Variants in LRRIQ1 observed in about 807,000 individuals in gnomAD.
LRRIQ1 encodes leucine-rich repeat- and IQ domain-containing protein 1.
LRRIQ1 carries 210 observed loss-of-function variants against 211.9 expected under a neutral mutation model. The ratio of observed to expected loss-of-function variants is 0.99; its 90% CI spans 0.89 to 1.11. The LOEUF (loss-of-function observed/expected upper bound fraction) is 1.11. Ranked by LOEUF, LRRIQ1 falls within the 50% of genes most tolerant of loss-of-function variation. The pLI is 0.00. For synonymous variants in LRRIQ1, 699 were observed against 650.1 expected (o/e 1.08, Z -1.14); for missense variants, 2,136 against 1,939.5 (o/e 1.10, Z -1.90).
At chr12:85,161,467 T>C (rs555491807) in intron 24 of LRRIQ1, among the ~76,000 whole-genome samples, 36 of 152,162 alleles carry the variant, frequency 2.4e-4, no homozygotes, top group Non-Finnish European at 5.1e-4. Context: ...ATTTAACCTA[T>C]AGTTTGGATA....
chr12:85,059,512 A>G (rs1881532098), intron 8 of LRRIQ1, among the ~76,000 whole-genome samples: 1 of 151,982 alleles, frequency 6.6e-6, no homozygotes, highest in South Asian at 2.1e-4. Flanking sequence ...AAATGATCAT[A>G]CTTTATATTG....
downstream of LRRIQ1, among the ~76,000 whole-genome samples, chr12:85,248,690 G>A (rs943580337): frequency 6.6e-6 from 1 of 151,686 alleles, no homozygotes; most frequent in African/African-American, 2.4e-5. Flanking sequence ...AGAAAACATT[G>A]TTCAGAAGAG....
intron 11 of LRRIQ1, among the ~76,000 whole-genome samples, chr12:85,090,398 C>CT (rs946745582): frequency 1.3e-5 from 2 of 152,172 alleles, no homozygotes; most frequent in African/African-American, 4.8e-5. Flanking sequence ...CCACTGGCAG[C>CT]TTGCACCTTG....
At chr12:85,217,802 C>CAT (rs1332497599) in intron 24 of LRRIQ1, among the ~76,000 whole-genome samples, 53 of 147,546 alleles carry the variant, frequency 3.6e-4, no homozygotes, top group African/African-American at 1.4e-3. Flanking sequence ...GTAATGTGTT[C>CAT]ATACACACAT....
At chr12:85,111,681 A>C (rs779782544) in intron 15 of LRRIQ1, among the ~76,000 whole-genome samples, 1 of 152,154 alleles carries the variant, frequency 6.6e-6, no homozygotes, top group Non-Finnish European at 1.5e-5. Flanking sequence ...TTACATGTTT[A>C]GTTCTGAATA....
At chr12:85,169,823 C>G (rs1891324373) in intron 24 of LRRIQ1, among the ~76,000 whole-genome samples, 1 of 152,054 alleles carries the variant, frequency 6.6e-6, no homozygotes, top group Non-Finnish European at 1.5e-5. Flanking sequence ...GAAGGAGAGC[C>G]ATGTCAGAAT....
At chr12:85,075,623 A>G (rs1883560918) in intron 11 of LRRIQ1, among the ~76,000 whole-genome samples, 2 of 152,050 alleles carry the variant, frequency 1.3e-5, no homozygotes, top group Non-Finnish European at 1.5e-5. Context: ...CCCCTACCCC[A>G]ATCATGATCC....
intron 25 of LRRIQ1, among the ~76,000 whole-genome samples, chr12:85,231,154 AAAGCTATCATT>A (rs1400100059): frequency 2.0e-5 from 3 of 152,230 alleles, no homozygotes; most frequent in South Asian, 4.1e-4. Flanking sequence ...ACACAAACAA[AAAGCTATCATT>A]ATTACAGTTA....
chr12:85,082,987 A>G (rs79899614), intron 11 of LRRIQ1, among the ~76,000 whole-genome samples: 8 of 152,170 alleles, frequency 5.3e-5, no homozygotes, highest in Non-Finnish European at 1.2e-4. Flanking sequence ...AATCTGAGCT[A>G]CAAACCTATG....
chr12:85,154,812 C>T (rs942837434), intron 23 of LRRIQ1, among the ~76,000 whole-genome samples: 2 of 150,926 alleles, frequency 1.3e-5, no homozygotes, highest in African/African-American at 4.8e-5. Flanking sequence ...TTCTTTTGTA[C>T]ATCAGTTTTG....
At chr12:85,107,048 A>T (rs1005030975) in intron 15 of LRRIQ1, among the ~76,000 whole-genome samples, 6 of 152,076 alleles carry the variant, frequency 3.9e-5, no homozygotes, top group African/African-American at 1.2e-4. Flanking sequence ...AGTTTGTGTT[A>T]TAAGCATATT....
At chr12:85,072,758 A>T in intron 10 of LRRIQ1, 149 bp from the exon 11 acceptor site, 1 of 429,218 alleles carries the variant, frequency 2.3e-6, no homozygotes, top group Non-Finnish European at 4.0e-6. Flanking sequence ...TAACCTTTTG[A>T]ATCAAGTTTA....
intron 19 of LRRIQ1, among the ~76,000 whole-genome samples, chr12:85,141,263 A>G (rs1889512820): frequency 6.6e-6 from 1 of 151,322 alleles, no homozygotes; most frequent in Admixed American, 6.6e-5. Flanking sequence ...AATCTCATTT[A>G]CTTTAAGTTT....
chr12:85,062,079 T>A (rs546747848), intron 8 of LRRIQ1, among the ~76,000 whole-genome samples: 1 of 151,870 alleles, frequency 6.6e-6, no homozygotes, highest in East Asian at 1.9e-4. Context: ...GAGGAGTTAC[T>A]GCATTCTAAA....
chr12:85,223,290 T>C (rs1358730699), intron 24 of LRRIQ1, among the ~76,000 whole-genome samples: 1 of 151,958 alleles, frequency 6.6e-6, no homozygotes, highest in Non-Finnish European at 1.5e-5. Context: ...TAGGTACTTG[T>C]AAAATTGGGA....
At chr12:85,266,949 A>C (rs965933303), downstream of LRRIQ1, among the ~76,000 whole-genome samples, 2 of 152,128 alleles carry the variant, frequency 1.3e-5, no homozygotes, top group Admixed American at 1.3e-4. Context: ...TAGCACTCCT[A>C]CATTTTAGGA....
intron 11 of LRRIQ1, among the ~76,000 whole-genome samples, chr12:85,077,528 GAT>G (rs1386099255): frequency 6.6e-6 from 1 of 152,098 alleles, no homozygotes; most frequent in East Asian, 1.9e-4. Context: ...AGAAATATTG[GAT>G]ATTTTATCTG....
chr12:85,184,630 G>A (rs981087977), intron 24 of LRRIQ1, among the ~76,000 whole-genome samples: 2 of 151,922 alleles, frequency 1.3e-5, no homozygotes, highest in African/African-American at 2.4e-5. Context: ...TGCCTTTGGC[G>A]ATTGGATTAA....
At chr12:85,144,051 T>G (rs1263546733) in intron 19 of LRRIQ1, among the ~76,000 whole-genome samples, 1 of 151,502 alleles carries the variant, frequency 6.6e-6, no homozygotes, top group Admixed American at 6.6e-5. Flanking sequence ...AGTTTATTGA[T>G]CCTCACCTCC....
Sources: gnomAD v4.1 joint callset for allele counts (sites outside exome capture counted in the v4.1 genomes callset) on GRCh38, gnomAD v4.1.1 for gene constraint, MANE v1.5 for transcripts, NCBI Gene and HGNC (gene_info 2026-07-23, HGNC 2026-07-21) for gene names.